Variants in TUT4 observed in about 807,000 individuals in gnomAD.
TUT4 encodes terminal uridylyltransferase 4.
Under a neutral mutation model 192.2 loss-of-function variants are expected in TUT4, and 36 were observed. The ratio of observed to expected loss-of-function variants is 0.19; its 90% CI spans 0.14 to 0.25. The LOEUF (loss-of-function observed/expected upper bound fraction) is 0.25. TUT4 is among the 10% of genes least tolerant of loss of function. The pLI, the probability that TUT4 is intolerant of heterozygous loss-of-function variation, is 1.00. For missense variants in TUT4, 1,493 were observed against 1,957.2 expected, an observed-to-expected ratio of 0.76 and a Z score of 4.47; for synonymous variants, 618 against 666.0, an observed-to-expected ratio of 0.93 and a Z score of 1.11.
At chr1:52,543,490 T>C (rs1252365589) in intron 1 of TUT4, among the ~76,000 whole-genome samples, 22 of 151,094 alleles carry the variant, frequency 1.5e-4, no homozygotes, top group Non-Finnish European at 3.1e-4. Context: ...TAATTTTTTT[T>C]TTTTTTTTTT....
At chr1:52,485,039 A>AAAGCAGGACTCTGTAAGTC (rs1669441602) in intron 9 of TUT4, among the ~76,000 whole-genome samples, 1 of 152,216 alleles carries the variant, frequency 6.6e-6, no homozygotes, top group Non-Finnish European at 1.5e-5. Context: ...GAGCACCATG[A>AAAGCAGGACTCTGTAAGTC]AAGCAGGACT....
chr1:52,452,768 T>C (rs1205875057), intron 20 of TUT4, among the ~76,000 whole-genome samples: 1 of 152,148 alleles, frequency 6.6e-6, no homozygotes, highest in East Asian at 1.9e-4. Flanking sequence ...TAAGCCTAAG[T>C]AAATGGTTGA....
intron 4 of TUT4, among the ~76,000 whole-genome samples, chr1:52,500,152 A>G (rs1012089665): frequency 1.3e-5 from 2 of 151,766 alleles, no homozygotes; most frequent in African/African-American, 4.8e-5. Flanking sequence ...CCCAGAAATA[A>G]ACCCTGGCAT....
At chr1:52,541,928 A>T (rs1299957881) in intron 1 of TUT4, among the ~76,000 whole-genome samples, 2 of 152,238 alleles carry the variant, frequency 1.3e-5, no homozygotes, top group African/African-American at 2.4e-5. Context: ...ACGATAGCCA[A>T]AATGTGAAGG....
At chr1:52,442,738 T>C (rs1316655372) in intron 24 of TUT4, among the ~76,000 whole-genome samples, 1 of 152,142 alleles carries the variant, frequency 6.6e-6, no homozygotes, top group Non-Finnish European at 1.5e-5. Flanking sequence ...AAAAGAAAAG[T>C]TAGATAAACT....
In TUT4 at chr1:52,497,069, C is replaced by G. The variant is rs1383190754; in HGVS notation, c.1114G>C (p.Asp372His). 1.2e-6 allele frequency: 2 copies of G among 1,614,026 alleles called. No homozygotes were observed. The highest frequency in any genetic ancestry group is 1.7e-5 in the Admixed American group (1 of 59,994). The change falls in exon 5 of 30, where the codon GAC becomes CAC. Residue 372 changes from aspartate to histidine, a missense_variant. Physicochemically the swap from Asp to His is moderately conservative, Grantham distance 81 (BLOSUM62 -1). Coordinates refer to ENST00000257177, the MANE Select transcript of TUT4 (RefSeq NM_001009881.3). ...ACAATTTCCTGACGGACTCTGAGGT[C>G]ATCATCTGTTATTCCATGTTCTTTT... Reference protein sequence around the residue: ...LAKEHGITDDDLRVRQEIVEE... With the variant: ...LAKEHGITDDHLRVRQEIVEE...
At chr1:52,478,450 T>C (rs1180939070) in intron 11 of TUT4, among the ~76,000 whole-genome samples, 2 of 152,236 alleles carry the variant, frequency 1.3e-5, no homozygotes, top group Non-Finnish European at 2.9e-5. Flanking sequence ...CTCACACTTA[T>C]ACATAAGGTT....
rs746236891 is a variant in TUT4 at position 52,490,721 on chromosome 1, T to C, written c.1388+11A>G. On this transcript the variant is annotated intron_variant, in intron 8 of 29. Coordinates refer to ENST00000257177, the MANE Select transcript of TUT4 (RefSeq NM_001009881.3). Reference sequence around the variant, plus strand: ...TGTTTTTTTAAATATTTTATCTTCATTGTTACCAACCTTTTTCGATCTCTG... The same window carrying C: ...TGTTTTTTTAAATATTTTATCTTCACTGTTACCAACCTTTTTCGATCTCTG... 21 of 1,600,436 alleles carry C rather than the reference T, an allele frequency of 1.3e-5. No individual in the cohort carries two copies. In the East Asian group the frequency reaches 1.3e-4, roughly 10 times the overall value.
At chr1:52,430,670 C>T (rs1482748273) in intron 28 of TUT4, among the ~76,000 whole-genome samples, 4 of 152,204 alleles carry the variant, frequency 2.6e-5, no homozygotes, top group Non-Finnish European at 5.9e-5. Flanking sequence ...ATACACCAAA[C>T]TGAGTGGCAG....
chr1:52,471,095 CA>C (rs1665644645), intron 14 of TUT4, among the ~76,000 whole-genome samples: 1 of 147,294 alleles, frequency 6.8e-6, no homozygotes, highest in Non-Finnish European at 1.5e-5. Context: ...TGGCTCACCA[CA>C]ACCTCCACCT....
At position 52,543,539 on chromosome 1, in the gene TUT4, A is replaced by C. The variant is rs946586995; in HGVS notation, c.-94+9392T>G. On this transcript the variant is annotated intron_variant, in intron 1 of 29. Coordinates refer to ENST00000257177, the MANE Select transcript of TUT4 (RefSeq NM_001009881.3). ...CGCTCTCTCTCCCAGACTGGAGTGCAATGGCGCAATCTCAGCTCACTGCAA... is the reference window on the plus strand; with the variant it reads ...CGCTCTCTCTCCCAGACTGGAGTGCCATGGCGCAATCTCAGCTCACTGCAA... Among the ~76,000 whole-genome samples, 4 of 148,756 alleles carry C rather than the reference A, an allele frequency of 2.7e-5. No individual in the cohort carries two copies. In the East Asian group the frequency reaches 6.0e-4, roughly 22 times the overall value.
At chr1:52,543,826 C>T (rs562113776) in intron 1 of TUT4, among the ~76,000 whole-genome samples, 2 of 152,094 alleles carry the variant, frequency 1.3e-5, no homozygotes, top group South Asian at 4.1e-4. Context: ...GCAATCTAAA[C>T]ATTTAATGCA....
chr1:52,448,998 C>A (rs1658475841), intron 20 of TUT4, among the ~76,000 whole-genome samples: 1 of 152,040 alleles, frequency 6.6e-6, no homozygotes, highest in Admixed American at 6.6e-5. Flanking sequence ...TTTGAATTCT[C>A]ATGTTTCACT....
At chr1:52,538,655 A>AAG (rs1685630205) in intron 1 of TUT4, 1 of 151,312 alleles carries the variant, frequency 6.6e-6, no homozygotes. Context: ...TAAAAAAAAA[A>AAG]AAAGAAAAGA....
chr1:52,448,758 C>T (rs1658400361), intron 20 of TUT4, among the ~76,000 whole-genome samples: 1 of 152,040 alleles, frequency 6.6e-6, no homozygotes, highest in Non-Finnish European at 1.5e-5. Context: ...GTTTTGTAAA[C>T]ACAGATTTAT....
intron 20 of TUT4, among the ~76,000 whole-genome samples, chr1:52,450,406 A>C (rs916018530): frequency 6.6e-6 from 1 of 152,228 alleles, no homozygotes; most frequent in African/African-American, 2.4e-5. Flanking sequence ...ATGATAGGAA[A>C]CATTCCATGA....
At chr1:52,427,107 TGACA>T (rs755267781) in intron 28 of TUT4, among the ~76,000 whole-genome samples, 1 of 152,090 alleles carries the variant, frequency 6.6e-6, no homozygotes, top group African/African-American at 2.4e-5. Flanking sequence ...AGACAGAAAA[TGACA>T]GACAAAAAAC....
chr1:52,524,523 C>CA (rs1022366500), intron 2 of TUT4, among the ~76,000 whole-genome samples: 3,453 of 111,894 alleles, frequency 0.031, 122 homozygotes, highest in African/African-American at 0.1. Context: ...GACTCCATCT[C>CA]AAAAAAAAAA....
chr1:52,462,546 G>A, intron 16 of TUT4: 1 of 198,914 alleles, frequency 5.0e-6, no homozygotes, highest in Non-Finnish European at 9.0e-6. Flanking sequence ...ACCTCTCTGA[G>A]CATTACATTA....
Sources: gnomAD v4.1 joint callset for allele counts (sites outside exome capture counted in the v4.1 genomes callset) on GRCh38, gnomAD v4.1.1 for gene constraint, MANE v1.5 for transcripts, NCBI Gene and HGNC (gene_info 2026-07-23, HGNC 2026-07-21) for gene names.